Variants in LMO3 observed in about 807,000 individuals in gnomAD.
LMO3 encodes LIM domain only 3, also known as LIM domain only protein 3.
In LMO3, 2 loss-of-function variants were observed where a neutral mutation model predicts 15.8. That is an observed-to-expected ratio of 0.13 (90% CI 0.05 to 0.40). The LOEUF is 0.40. Among genes scored for constraint, LMO3 ranks in the 10% least tolerant of loss-of-function variants. The pLI, the probability that LMO3 is intolerant of heterozygous loss-of-function variation, is 0.99. For missense variants in LMO3, 86 were observed against 182.2 expected, an observed-to-expected ratio of 0.47 and a Z score of 3.04; for synonymous variants, 62 against 63.8, an observed-to-expected ratio of 0.97 and a Z score of 0.13.
At chr12:16,602,718 TC>T (rs909583813) in intron 1 of LMO3, among the ~76,000 whole-genome samples, 1 of 152,208 alleles carries the variant, frequency 6.6e-6, no homozygotes, top group African/African-American at 2.4e-5. Context: ...GTTTCTTTGA[TC>T]AGAACTAGTT....
intron 2 of LMO3, chr12:16,600,076 A>T (rs1471468475): frequency 6.6e-6 from 1 of 152,520 alleles, no homozygotes; most frequent in Non-Finnish European, 1.5e-5. Context: ...TTAACCAAGG[A>T]TTTGCACCTG....
chr12:16,586,917 T>G lies in LMO3; in HGVS notation c.206+13738A>C, dbSNP rs1285210301. ...CATCTAAATTCATGGAATTCTCCCC[T>G]CTAATAATAGAGTCATGTGATAGCT... On this transcript the variant is annotated intron_variant, in intron 2 of 3. Transcript: ENST00000537304. This position sits in a 1 kb window ranked among gnomAD's most constrained non-coding sequence, Gnocchi z 4.3. Among the ~76,000 whole-genome samples the G allele has an allele frequency of 6.6e-6, 1 of 152,200 alleles. No homozygotes were observed. The highest frequency in any genetic ancestry group is 1.5e-5 in the Non-Finnish European group (1 of 68,034).
At chr12:16,592,153 T>A (rs556871722) in intron 2 of LMO3, among the ~76,000 whole-genome samples, 1 of 152,144 alleles carries the variant, frequency 6.6e-6, no homozygotes, top group South Asian at 2.1e-4. Flanking sequence ...TATTTCACAT[T>A]CATTATTTAT....
intron 2 of LMO3, among the ~76,000 whole-genome samples, chr12:16,568,535 G>C (rs1942697575): frequency 1.3e-5 from 2 of 152,162 alleles, no homozygotes; most frequent in South Asian, 4.1e-4. Context: ...GACATGTAGT[G>C]AGTCTGAATT....
At chr12:16,594,311 A>G in intron 2 of LMO3, 1 of 1,434,568 alleles carries the variant, frequency 7.0e-7, no homozygotes, top group Non-Finnish European at 9.1e-7. Context: ...ATATACACAA[A>G]CCAATTTTTA....
At chr12:16,571,832 A>G (rs1404353216) in intron 2 of LMO3, among the ~76,000 whole-genome samples, 1 of 152,054 alleles carries the variant, frequency 6.6e-6, no homozygotes, top group Non-Finnish European at 1.5e-5. Context: ...TAGTTTTCAG[A>G]CTGAACTTGT....
intron 2 of LMO3, chr12:16,594,347 A>T: frequency 1.5e-6 from 2 of 1,297,100 alleles, no homozygotes; most frequent in Non-Finnish European, 2.0e-6. Context: ...AAAAAATAAA[A>T]AAGAAAGAAA....
Position 16,570,792 on chromosome 12 carries a change from A to G in LMO3, c.207-10254T>C, listed in dbSNP as rs557732589. On this transcript the variant is annotated intron_variant, in intron 2 of 3. Transcript: ENST00000537304. ...CAACAGTCACCTGATTATTCACAAAAAGTTATCAAATCACTTACCTTGAAT... is the reference window on the plus strand; with the variant it reads ...CAACAGTCACCTGATTATTCACAAAGAGTTATCAAATCACTTACCTTGAAT... Among the ~76,000 whole-genome samples, 4 of 152,310 alleles carry G rather than the reference A, an allele frequency of 2.6e-5. No individual in the cohort carries two copies. The East Asian group carries it at 7.7e-4, about 29-fold the overall frequency.
intron 2 of LMO3, among the ~76,000 whole-genome samples, chr12:16,571,239 C>A (rs1031292212): frequency 1.3e-5 from 2 of 151,998 alleles, no homozygotes; most frequent in African/African-American, 4.8e-5. Flanking sequence ...AGATATTCAT[C>A]CTTGTATTTA....
Position 16,591,100 on chromosome 12 carries a change from G to T in LMO3, c.206+9555C>A, listed in dbSNP as rs181295595. Among the ~76,000 whole-genome samples, 38 of 152,122 alleles carry T rather than the reference G, an allele frequency of 2.5e-4. No homozygotes were observed. Among genetic ancestry groups the T allele is most frequent in the Admixed American group, 1.6e-3 (24 of 15,258 alleles). On this transcript the variant is annotated intron_variant, in intron 2 of 3. Coordinates refer to ENST00000537304, the MANE Select transcript of LMO3 (RefSeq NM_018640.5). This position sits in a 1 kb window ranked among gnomAD's most constrained non-coding sequence, Gnocchi z 4.1. The stretch of plus-strand genomic sequence containing the variant: ...TTATCACTTTTCTAGGGGACATTTA[G>T]AAATGTATACGGGGCATTGTTTGTT...
chr12:16,576,327 C>T lies in LMO3; in HGVS notation c.207-15789G>A, dbSNP rs143975873. ...CTTCTATCCCATCACTGAGCCTCAG[C>T]CCCAATGTGCTGTCTACTCCCTGGA... On this transcript the variant is annotated intron_variant, in intron 2 of 3. Coordinates refer to ENST00000537304, the MANE Select transcript of LMO3 (RefSeq NM_018640.5). The surrounding 1 kb of genome is among the most constrained non-coding windows in gnomAD (Gnocchi z 4.1). Among the ~76,000 whole-genome samples the T allele has an allele frequency of 8.2e-3, 1,243 of 152,260 alleles. 8 individuals are homozygous for T. The highest frequency in any genetic ancestry group is 0.013 in the Non-Finnish European group (879 of 68,012).
chr12:16,558,731 C>T (rs1942282914), intron 3 of LMO3, among the ~76,000 whole-genome samples: 1 of 152,100 alleles, frequency 6.6e-6, no homozygotes, highest in Admixed American at 6.5e-5. Context: ...ATCTGAATAT[C>T]TACATTTAGC....
Position 16,560,567 on chromosome 12 carries a change from A to G in LMO3, c.207-29T>C. The G allele has an allele frequency of 6.6e-7, 1 of 1,517,330 alleles. No homozygotes were observed. The highest frequency in any genetic ancestry group is 9.1e-7 in the Non-Finnish European group (1 of 1,103,692). 94.0% of individuals were successfully genotyped at this position (1,517,330 alleles called of 1,614,324 possible). A position where few individuals can be genotyped will look rare whatever the true frequency, so the allele number is the denominator to read the frequency against. On this transcript the variant is annotated intron_variant, in intron 2 of 3. Transcript: ENST00000537304. The surrounding 1 kb of genome is among the most constrained non-coding windows in gnomAD (Gnocchi z 5.0). ...GAATAAGAAACATTTTTTTTTTTTT[A>G]CAAACTCTTACAGAGAAATCTGAGA... is the stretch of plus-strand genomic sequence containing the variant.
Position 16,585,152 on chromosome 12 carries a change from G to A in LMO3, c.206+15503C>T, listed in dbSNP as rs1269649833. Among the ~76,000 whole-genome samples the A allele has an allele frequency of 1.3e-5, 2 of 152,154 alleles. No individual in the cohort carries two copies. The highest frequency in any genetic ancestry group is 2.9e-5 in the Non-Finnish European group (2 of 68,032). On this transcript the variant is annotated intron_variant, in intron 2 of 3. Transcript: ENST00000537304. The surrounding 1 kb of genome is among the most constrained non-coding windows in gnomAD (Gnocchi z 4.7). ...TTCCCCCTTTGGGTGGCGCATGCAA[G>A]CCCCAGTTCACAACGTTATTTTTCC... is the stretch of plus-strand genomic sequence containing the variant.
At chr12:16,573,174 A>G (rs1196051462) in intron 2 of LMO3, among the ~76,000 whole-genome samples, 1 of 152,120 alleles carries the variant, frequency 6.6e-6, no homozygotes. Context: ...ATGTCTATTC[A>G]TAAGTGCCCC....
At chr12:16,607,711 T>A (rs1944045188), upstream of LMO3, 1 of 151,954 alleles carries the variant, frequency 6.6e-6, no homozygotes, top group African/African-American at 2.4e-5. Context: ...ACAAAAAACT[T>A]TTTTTCTTCT....
In LMO3 at chr12:16,597,930, TTAAA is replaced by T. The variant is rs1175748022; in HGVS notation, c.206+2721_206+2724del. 6.6e-6 allele frequency: 1 copy of T among 152,016 alleles called. No individual in the cohort carries two copies. The highest frequency in any genetic ancestry group is 1.5e-5 in the Non-Finnish European group (1 of 67,904). The allele number at this position is 152,016 out of a possible 1,614,324, so 9.4% of individuals were successfully genotyped here. A position where few individuals can be genotyped will look rare whatever the true frequency, so the allele number is the denominator to read the frequency against. The stretch of plus-strand genomic sequence containing the variant: ...TGATTATATTACAGATTCTATGTAA[TTAAA>T]TAAACAATTAGATAGTGGCAACTTT... On this transcript the variant is annotated intron_variant, in intron 2 of 3. Coordinates refer to ENST00000537304, the MANE Select transcript of LMO3 (RefSeq NM_018640.5). This position sits in a 1 kb window ranked among gnomAD's most constrained non-coding sequence, Gnocchi z 5.0.
intron 2 of LMO3, among the ~76,000 whole-genome samples, chr12:16,562,393 A>C (rs779369234): frequency 2.6e-5 from 4 of 152,224 alleles, no homozygotes; most frequent in Non-Finnish European, 5.9e-5. Flanking sequence ...CATGCGATAA[A>C]GCCGTTTTTA....
chr12:16,568,351 A>G (rs1327700512), intron 2 of LMO3, among the ~76,000 whole-genome samples: 1 of 152,252 alleles, frequency 6.6e-6, no homozygotes, highest in Non-Finnish European at 1.5e-5. Flanking sequence ...CATAGAAAAC[A>G]GAAAAGCAAT....
Sources: gnomAD v4.1 joint callset for allele counts (sites outside exome capture counted in the v4.1 genomes callset) on GRCh38, gnomAD v4.1.1 for gene constraint, Gnocchi (gnomAD v3.1) non-coding constraint, MANE v1.5 for transcripts, NCBI Gene and HGNC (gene_info 2026-07-23, HGNC 2026-07-21) for gene names.